Variants in KCNJ3 observed in about 807,000 individuals in gnomAD.
The protein encoded by KCNJ3 is potassium inwardly rectifying channel subfamily J member 3.
In KCNJ3, 4 loss-of-function variants were observed where a neutral mutation model predicts 39.2. That is an observed-to-expected ratio of 0.10 (90% CI 0.05 to 0.23). The LOEUF (loss-of-function observed/expected upper bound fraction) is 0.23, where lower values mean the gene tolerates loss of function less well. Ranked by LOEUF, KCNJ3 falls within the 10% of genes least tolerant of loss-of-function variation. KCNJ3 has a pLI of 1.00. For synonymous variants in KCNJ3, 230 were observed against 237.4 expected, an observed-to-expected ratio of 0.97 and a Z score of 0.29; for missense variants, 276 against 634.9, an observed-to-expected ratio of 0.43 and a Z score of 6.08.
intron 2 of KCNJ3, among the ~76,000 whole-genome samples, chr2:154,715,954 T>C (rs1360361908): frequency 6.6e-6 from 1 of 152,216 alleles, no homozygotes; most frequent in Admixed American, 6.5e-5. Flanking sequence ...CCATTTTAGA[T>C]AAATTCTCTG....
intron 2 of KCNJ3, among the ~76,000 whole-genome samples, chr2:154,853,362 A>G (rs1478973945): frequency 1.3e-5 from 2 of 152,104 alleles, no homozygotes; most frequent in South Asian, 2.1e-4. Context: ...ATTATATCCT[A>G]ATTATCTATA....
chr2:154,751,990 G>T (rs1047971763), intron 2 of KCNJ3, among the ~76,000 whole-genome samples: 1 of 151,896 alleles, frequency 6.6e-6, no homozygotes, highest in Non-Finnish European at 1.5e-5. Flanking sequence ...AGGAATTGGG[G>T]GTTAGAGTTT....
At chr2:154,797,910 T>G (rs967267007) in intron 2 of KCNJ3, among the ~76,000 whole-genome samples, 1 of 152,114 alleles carries the variant, frequency 6.6e-6, no homozygotes, top group Non-Finnish European at 1.5e-5. Context: ...TTGTTATCTG[T>G]GGGCACAATG....
intron 2 of KCNJ3, among the ~76,000 whole-genome samples, chr2:154,814,225 C>G (rs1191621000): frequency 6.6e-6 from 1 of 152,154 alleles, no homozygotes; most frequent in Non-Finnish European, 1.5e-5. Flanking sequence ...GGTGACAGCT[C>G]TATTCCCAGG....
intron 2 of KCNJ3, among the ~76,000 whole-genome samples, chr2:154,842,678 C>A (rs1687595022): frequency 6.6e-6 from 1 of 152,140 alleles, no homozygotes; most frequent in Non-Finnish European, 1.5e-5. Flanking sequence ...TGAATTGATT[C>A]CTTTACCATT....
intron 2 of KCNJ3, among the ~76,000 whole-genome samples, chr2:154,819,866 G>A (rs1305257571): frequency 1.3e-5 from 2 of 151,490 alleles, no homozygotes; most frequent in African/African-American, 4.9e-5. Flanking sequence ...TTAAGTTTAA[G>A]TTTAACATGT....
At chr2:154,717,783 A>G (rs1379149756) in intron 2 of KCNJ3, among the ~76,000 whole-genome samples, 1 of 152,118 alleles carries the variant, frequency 6.6e-6, no homozygotes, top group Non-Finnish European at 1.5e-5. Flanking sequence ...TGTACCTGTA[A>G]TTTTCCTCTC....
intron 2 of KCNJ3, among the ~76,000 whole-genome samples, chr2:154,759,220 G>T (rs951572693): frequency 1.3e-5 from 2 of 152,044 alleles, no homozygotes; most frequent in Non-Finnish European, 2.9e-5. Context: ...GCTAGTGCCG[G>T]GACACTGAAT....
Position 154,736,374 on chromosome 2 carries a change from TAAAAAAAAAAAAAAAAAAAA to T in KCNJ3, c.919+26576_919+26595del, listed in dbSNP as rs70983745. 2.6e-3 allele frequency among the ~76,000 whole-genome samples: 246 copies of T among 93,240 alleles called. 1 individual carries two copies. Among genetic ancestry groups the T allele is most frequent in the African/African-American group, 8.8e-3 (226 of 25,626 alleles). The allele number at this position is 93,240 out of a possible 152,430, so 61.2% of individuals were successfully genotyped here. On this transcript the variant is annotated intron_variant, in intron 2 of 2. Transcript: ENST00000295101. The stretch of plus-strand genomic sequence containing the variant: ...AGAGAGTGACAGGAGTCACTAGTTC[TAAAAAAAAAAAAAAAAAAAA>T]AAAAAAAAAAAAAAAAAAAACCTAA...
At chr2:154,714,022 C>G (rs555544954) in intron 2 of KCNJ3, among the ~76,000 whole-genome samples, 1 of 152,274 alleles carries the variant, frequency 6.6e-6, no homozygotes, top group Non-Finnish European at 1.5e-5. Context: ...TTTATACATT[C>G]CTTTATCTCT....
intron 1 of KCNJ3, among the ~76,000 whole-genome samples, chr2:154,703,217 AT>A (rs542991836): frequency 2.6e-5 from 4 of 152,168 alleles, no homozygotes; most frequent in African/African-American, 9.6e-5. Flanking sequence ...GTCAGCACAC[AT>A]TTTTTACATA....
chr2:154,773,172 G>A (rs990487873), intron 2 of KCNJ3, among the ~76,000 whole-genome samples: 15 of 152,036 alleles, frequency 9.9e-5, no homozygotes, highest in Non-Finnish European at 1.6e-4. Flanking sequence ...TTAACTGTTT[G>A]TTAATATCAA....
At chr2:154,768,441 G>A (rs1686174534) in intron 2 of KCNJ3, among the ~76,000 whole-genome samples, 1 of 152,136 alleles carries the variant, frequency 6.6e-6, no homozygotes, top group African/African-American at 2.4e-5. Context: ...TATTAAATAG[G>A]GAATCCTTTT....
intron 2 of KCNJ3, among the ~76,000 whole-genome samples, chr2:154,825,429 G>C (rs1687254108): frequency 6.6e-6 from 1 of 152,118 alleles, no homozygotes; most frequent in African/African-American, 2.4e-5. Context: ...TCTAATGTAT[G>C]AGTGAATGTT....
At chr2:154,816,500 T>C (rs953870261) in intron 2 of KCNJ3, among the ~76,000 whole-genome samples, 1 of 152,158 alleles carries the variant, frequency 6.6e-6, no homozygotes, top group Non-Finnish European at 1.5e-5. Context: ...CTCATTTCTA[T>C]TTGGAAATAA....
intron 2 of KCNJ3, among the ~76,000 whole-genome samples, chr2:154,841,041 G>T (rs561366103): frequency 6.6e-6 from 1 of 152,032 alleles, no homozygotes; most frequent in Non-Finnish European, 1.5e-5. Context: ...TCCAGTTTTT[G>T]CCCATTTAGT....
intron 2 of KCNJ3, among the ~76,000 whole-genome samples, chr2:154,754,506 C>T (rs1160321946): frequency 6.6e-6 from 1 of 152,180 alleles, no homozygotes; most frequent in African/African-American, 2.4e-5. Context: ...AACTCCCGAC[C>T]TCCGGCAATC....
intron 2 of KCNJ3, among the ~76,000 whole-genome samples, chr2:154,716,578 T>G (rs1399595811): frequency 6.6e-6 from 1 of 152,202 alleles, no homozygotes; most frequent in African/African-American, 2.4e-5. Context: ...ATTAACACAT[T>G]ATTAAAAAAT....
intron 2 of KCNJ3, among the ~76,000 whole-genome samples, chr2:154,775,569 C>G (rs1345770145): frequency 1.3e-5 from 2 of 152,124 alleles, no homozygotes; most frequent in African/African-American, 4.8e-5. Context: ...ATTGAGCTTA[C>G]AAAGCATTTT....
Sources: gnomAD v4.1 joint callset for allele counts (sites outside exome capture counted in the v4.1 genomes callset) on GRCh38, gnomAD v4.1.1 for gene constraint, MANE v1.5 for transcripts, NCBI Gene and HGNC (gene_info 2026-07-23, HGNC 2026-07-21) for gene names.